STRN: variants seen among roughly 807,000 people sequenced by gnomAD.
The protein encoded by STRN is protein phosphatase 2 regulatory subunit B'''alpha.
Under a neutral mutation model 96.3 loss-of-function variants are expected in STRN, and 53 were observed. That is an observed-to-expected ratio of 0.55 (90% CI 0.44 to 0.69). The LOEUF (loss-of-function observed/expected upper bound fraction) is 0.69, where lower values mean the gene tolerates loss of function less well. Ranked by LOEUF, STRN falls within the 30% of genes least tolerant of loss-of-function variation. The pLI, the probability that STRN is intolerant of heterozygous loss-of-function variation, is 0.00. For synonymous variants in STRN, 428 were observed against 355.9 expected (o/e 1.20, Z -2.28); for missense variants, 987 against 963.9 (o/e 1.02, Z -0.32).
intron 1 of STRN, among the ~76,000 whole-genome samples, chr2:36,937,037 T>C (rs1294641199): frequency 2.0e-5 from 3 of 151,978 alleles, no homozygotes; most frequent in East Asian, 1.9e-4. Context: ...AAGAGATAAA[T>C]AAGCTCAGTT....
At position 36,855,310 on chromosome 2, in the gene STRN, G is replaced by A. The variant is rs767008929; in HGVS notation, c.1880C>T (p.Pro627Leu). ...PASVDLVSSD[P>L]SHMVASFSKG... is the part of the protein sequence containing the mutation. ...GCTGAATGATGCTACCATATGGCTC[G>A]GGTCACTGCTCACTAGATCCACAGA... Residue 627 changes from proline to leucine, a missense_variant, in exon 15 of 18, where the codon CCG becomes CTG. Coordinates refer to ENST00000263918, the MANE Select transcript of STRN (RefSeq NM_003162.4). 3.1e-5 allele frequency: 50 copies of A among 1,613,272 alleles called. No individual in the cohort carries two copies. Among genetic ancestry groups the A allele is most frequent in the East Asian group, 6.7e-5 (3 of 44,860 alleles).
chr2:36,912,244 G>C (rs1416897890), intron 3 of STRN, among the ~76,000 whole-genome samples: 1 of 151,764 alleles, frequency 6.6e-6, no homozygotes, highest in Non-Finnish European at 1.5e-5. Context: ...ACGTGTGCGT[G>C]AGAGTGTGCG....
intron 15 of STRN, among the ~76,000 whole-genome samples, chr2:36,852,274 A>T (rs1356856460): frequency 6.6e-6 from 1 of 152,234 alleles, no homozygotes; most frequent in Non-Finnish European, 1.5e-5. Context: ...ACATAAAGAA[A>T]ACACTAATTG....
intron 7 of STRN, among the ~76,000 whole-genome samples, chr2:36,891,043 T>A (rs551692412): frequency 1.3e-5 from 2 of 152,312 alleles, no homozygotes; most frequent in South Asian, 2.1e-4. Context: ...CTATACTGGT[T>A]CAGCACCCCC....
At chr2:36,942,803 C>A (rs549322413) in intron 1 of STRN, among the ~76,000 whole-genome samples, 3 of 152,108 alleles carry the variant, frequency 2.0e-5, no homozygotes, top group African/African-American at 7.2e-5. Context: ...TCAAGCAATT[C>A]TGATGACTCA....
rs1375615300 is a variant in STRN, at chr2:36,924,988, G to A, written c.338+117C>T. 6.9e-5 allele frequency: 55 copies of A among 798,302 alleles called. No individual in the cohort carries two copies. The Admixed American group carries it at 7.3e-4, about 11-fold the overall frequency. 49.5% of individuals were successfully genotyped at this position (798,302 alleles called of 1,614,324 possible). ...GGAGAATTGCTTGAAACCGGGAGGCGGAGGTCGCGGTGAGCCAAGATCGTA... is the reference window on the plus strand; with the variant it reads ...GGAGAATTGCTTGAAACCGGGAGGCAGAGGTCGCGGTGAGCCAAGATCGTA... On this transcript the variant is annotated intron_variant, in intron 2 of 17. Coordinates refer to ENST00000263918, the MANE Select transcript of STRN (RefSeq NM_003162.4).
At chr2:36,902,821 AAG>A in intron 4 of STRN, 70 bp from the exon 5 acceptor site, 1 of 1,317,252 alleles carries the variant, frequency 7.6e-7, no homozygotes, top group Non-Finnish European at 1.0e-6. Context: ...ATGTAAATAA[AAG>A]TATTTATTTA....
intron 9 of STRN, among the ~76,000 whole-genome samples, chr2:36,878,645 T>A (rs1194880987): frequency 6.6e-6 from 1 of 152,180 alleles, no homozygotes; most frequent in African/African-American, 2.4e-5. Context: ...GGGAGGGTAA[T>A]AATTCTATCT....
chr2:36,892,687 C>A (rs1003346747), intron 7 of STRN, among the ~76,000 whole-genome samples: 2 of 152,122 alleles, frequency 1.3e-5, no homozygotes, highest in Non-Finnish European at 1.5e-5. Context: ...GATCCCTATC[C>A]TCTTCTGGGA....
intron 3 of STRN, among the ~76,000 whole-genome samples, chr2:36,909,938 C>T (rs1236992023): frequency 1.3e-5 from 2 of 152,032 alleles, no homozygotes; most frequent in African/African-American, 4.8e-5. Context: ...TTTGGGAGGC[C>T]AAGGTGGGCA....
At chr2:36,875,741 C>T (rs1668889023) in intron 10 of STRN, among the ~76,000 whole-genome samples, 1 of 150,660 alleles carries the variant, frequency 6.6e-6, no homozygotes, top group South Asian at 2.1e-4. Flanking sequence ...ACTGCAAACT[C>T]TGCCTCCCGG....
Position 36,847,423 on chromosome 2 carries a change from C to T in STRN, c.*2033G>A, listed in dbSNP as rs1411830648. 1 of 152,086 alleles carries T rather than the reference C, an allele frequency of 6.6e-6. No homozygotes were observed. Among genetic ancestry groups the T allele is most frequent in the Non-Finnish European group, 1.5e-5 (1 of 67,990 alleles). 9.4% of individuals were successfully genotyped at this position (152,086 alleles called of 1,614,324 possible). On this transcript the variant is annotated 3_prime_UTR_variant, in exon 18 of 18. Transcript: ENST00000263918. ...CTGGAAGGAATTTTCCAGTATCCTTCTACAAATGTTAGGTTAGAAACATTC... is the reference window on the plus strand; with the variant it reads ...CTGGAAGGAATTTTCCAGTATCCTTTTACAAATGTTAGGTTAGAAACATTC...
intron 1 of STRN, among the ~76,000 whole-genome samples, chr2:36,964,827 C>G (rs1054649708): frequency 6.6e-6 from 1 of 152,182 alleles, no homozygotes; most frequent in African/African-American, 2.4e-5. Flanking sequence ...TGCCTCTCCA[C>G]TAAAACATAA....
intron 2 of STRN, among the ~76,000 whole-genome samples, chr2:36,917,724 C>G (rs548152280): frequency 5.3e-4 from 80 of 151,934 alleles, no homozygotes; most frequent in African/African-American, 1.8e-3. Flanking sequence ...AGTTGATGTC[C>G]TATTTCTTAA....
chr2:36,904,681 A>G (rs1364088823), intron 4 of STRN, among the ~76,000 whole-genome samples: 1 of 152,134 alleles, frequency 6.6e-6, no homozygotes, highest in African/African-American at 2.4e-5. Flanking sequence ...CAAAAAAATG[A>G]GACAGGCATA....
intron 1 of STRN, among the ~76,000 whole-genome samples, chr2:36,965,757 G>A (rs1665141789): frequency 6.6e-6 from 1 of 152,236 alleles, no homozygotes; most frequent in Non-Finnish European, 1.5e-5. Context: ...CTCAAGGCCT[G>A]ACACAACTTC....
chr2:36,949,471 C>T (rs1202894186), intron 1 of STRN, among the ~76,000 whole-genome samples: 1 of 152,166 alleles, frequency 6.6e-6, no homozygotes, highest in Non-Finnish European at 1.5e-5. Flanking sequence ...ACTATGTAAA[C>T]TACTTTGGCC....
intron 13 of STRN, among the ~76,000 whole-genome samples, chr2:36,858,560 C>G (rs1445136639): frequency 2.4e-4 from 36 of 152,180 alleles, no homozygotes; most frequent in Non-Finnish European, 7.3e-5. Flanking sequence ...ACAGCAGTAA[C>G]TGAGATGCAG....
At position 36,869,564 on chromosome 2, in the gene STRN, G is replaced by C. The variant is rs1668712102; in HGVS notation, c.1489C>G (p.Pro497Ala). 4 of 1,553,742 alleles carry C rather than the reference G, an allele frequency of 2.6e-6. No individual in the cohort carries two copies. The highest frequency in any genetic ancestry group is 2.5e-5 in the South Asian group (2 of 80,990). The change falls in exon 11 of 18, where the codon CCA becomes GCA. Residue 497 changes from proline to alanine, a missense_variant. Pro to Ala is a conservative substitution (Grantham distance 27). Coordinates refer to ENST00000263918, the MANE Select transcript of STRN (RefSeq NM_003162.4). ...LKMWNLQKTA[P>A]AKKSTSLDVE... ...GTAGAATATTCTCACTTTTTGGCTG[G>C]GGCTGTTTTCTGTAAATTCCACATT... is the stretch of plus-strand genomic sequence containing the variant.
Sources: gnomAD v4.1 joint callset for allele counts (sites outside exome capture counted in the v4.1 genomes callset) on GRCh38, gnomAD v4.1.1 for gene constraint, MANE v1.5 for transcripts, NCBI Gene and HGNC (gene_info 2026-07-23, HGNC 2026-07-21) for gene names.